Variants in GALNT13 observed in about 807,000 individuals in gnomAD.
GALNT13 encodes the protein UDP-GalNAc:polypeptide N-acetylgalactosaminyltransferase 13.
In GALNT13, 28 loss-of-function variants were observed where a neutral mutation model predicts 64.2. The ratio of observed to expected loss-of-function variants is 0.44; its 90% confidence interval spans 0.32 to 0.60. GALNT13 has a LOEUF of 0.60. Ranked by LOEUF, GALNT13 falls within the 20% of genes least tolerant of loss-of-function variation. GALNT13 has a pLI of 0.05. For missense variants in GALNT13, 577 were observed against 669.8 expected (o/e 0.86, Z 1.53); for synonymous variants, 214 against 224.6 (o/e 0.95, Z 0.42).
chr2:154,086,986 C>T (rs1206540526), intron 3 of GALNT13, among the ~76,000 whole-genome samples: 1 of 151,796 alleles, frequency 6.6e-6, no homozygotes, highest in Non-Finnish European at 1.5e-5. Context: ...GCTATTGTAT[C>T]GAGTGTTTGC....
the GALNT13 span, among the ~76,000 whole-genome samples, chr2:153,451,747 A>G: frequency 6.6e-6 from 1 of 152,228 alleles, no homozygotes; most frequent in South Asian, 2.1e-4. Context: ...AATGGGAAAT[A>G]GTGTCCCCAG....
chr2:153,089,271 T>A, the GALNT13 span, among the ~76,000 whole-genome samples: 13 of 152,298 alleles, frequency 8.5e-5, no homozygotes, highest in African/African-American at 3.1e-4. Context: ...GGCTGACCAT[T>A]ATTTTGTTTC....
At chr2:153,630,721 T>C in the GALNT13 span, among the ~76,000 whole-genome samples, 1 of 127,498 alleles carries the variant, frequency 7.8e-6, no homozygotes, top group South Asian at 2.6e-4. Context: ...ATTAAAGAAT[T>C]AAATGTTAGA....
At chr2:154,314,416 G>A (rs1277506456) in intron 9 of GALNT13, among the ~76,000 whole-genome samples, 1 of 152,148 alleles carries the variant, frequency 6.6e-6, no homozygotes, top group East Asian at 1.9e-4. Flanking sequence ...CTGGTGGATT[G>A]CATTTGTTTG....
the GALNT13 span, among the ~76,000 whole-genome samples, chr2:153,546,030 T>C: frequency 6.6e-6 from 1 of 152,168 alleles, no homozygotes; most frequent in Non-Finnish European, 1.5e-5. Flanking sequence ...TGGAAGATAC[T>C]CTCTTCCTCA....
At chr2:153,108,236 A>G in the GALNT13 span, among the ~76,000 whole-genome samples, 558 of 152,308 alleles carry the variant, frequency 3.7e-3, 2 homozygotes, top group African/African-American at 0.013. Context: ...CTATTGCAAT[A>G]AAATACATGG....
At chr2:153,810,853 C>A in the GALNT13 span, among the ~76,000 whole-genome samples, 1 of 152,236 alleles carries the variant, frequency 6.6e-6, no homozygotes, top group Non-Finnish European at 1.5e-5. Context: ...TTTAAGTTTT[C>A]AAATTGTAGA....
At chr2:154,446,540 A>G in intron 12 of GALNT13, 1 of 1,514,676 alleles carries the variant, frequency 6.6e-7, no homozygotes, top group Non-Finnish European at 8.9e-7. Flanking sequence ...TGATTTTGTC[A>G]TTATTCGTTA....
the GALNT13 span, among the ~76,000 whole-genome samples, chr2:153,444,323 CAT>C: frequency 6.6e-6 from 1 of 152,086 alleles, no homozygotes; most frequent in Admixed American, 6.6e-5. Flanking sequence ...CAGAACAAAA[CAT>C]ATAGTATGTA....
At chr2:154,011,658 C>T (rs944184686) in intron 3 of GALNT13, among the ~76,000 whole-genome samples, 5 of 152,076 alleles carry the variant, frequency 3.3e-5, no homozygotes, top group Non-Finnish European at 2.9e-5. Context: ...CTAATATTGG[C>T]AGTGGGGTGT....
chr2:153,965,860 G>C (rs958742141), intron 3 of GALNT13, among the ~76,000 whole-genome samples: 32 of 149,474 alleles, frequency 2.1e-4, no homozygotes, highest in African/African-American at 7.6e-4. Flanking sequence ...CTAACTTTAA[G>C]ACTTCTGTTG....
At chr2:153,946,520 A>T (rs1264787074) in intron 3 of GALNT13, among the ~76,000 whole-genome samples, 1 of 152,096 alleles carries the variant, frequency 6.6e-6, no homozygotes, top group African/African-American at 2.4e-5. Flanking sequence ...GAGGCTGGGG[A>T]TTCCAAGATG....
chr2:153,671,532 A>G, the GALNT13 span, among the ~76,000 whole-genome samples: 1 of 152,224 alleles, frequency 6.6e-6, no homozygotes, highest in Non-Finnish European at 1.5e-5. Flanking sequence ...GGCCTGCCCT[A>G]CAAGAGCTCC....
intron 8 of GALNT13, among the ~76,000 whole-genome samples, chr2:154,271,981 AC>A (rs1486070293): frequency 6.6e-6 from 1 of 151,876 alleles, no homozygotes; most frequent in Non-Finnish European, 1.5e-5. Flanking sequence ...AAATTATGGA[AC>A]CCTGAAAGAT....
chr2:153,794,503 GTGTT>G, the GALNT13 span, among the ~76,000 whole-genome samples: 6 of 151,340 alleles, frequency 4.0e-5, no homozygotes, highest in Admixed American at 6.6e-5. Flanking sequence ...AGAATACACT[GTGTT>G]TGGTCGATTA....
rs561497551 is a variant in GALNT13, at chr2:154,233,063, A to C, written c.312-8967A>C. On this transcript the variant is annotated intron_variant, in intron 4 of 12. Transcript: ENST00000392825. ...AAAAAAAAAAAAAAAAAAAAGAAAAAGAAAAGAAAAAAAGTACAAATGGTT... is the reference window on the plus strand; with the variant it reads ...AAAAAAAAAAAAAAAAAAAAGAAAACGAAAAGAAAAAAAGTACAAATGGTT... Among the ~76,000 whole-genome samples, 10 of 151,544 alleles carry C rather than the reference A, an allele frequency of 6.6e-5. No individual in the cohort carries two copies. The South Asian group carries it at 2.1e-3, about 32-fold the overall frequency.
chr2:153,376,052 G>A, the GALNT13 span, among the ~76,000 whole-genome samples: 1 of 152,018 alleles, frequency 6.6e-6, no homozygotes, highest in Admixed American at 6.6e-5. Context: ...CACAGGGAGA[G>A]CATTAATCTC....
chr2:154,159,007 G>T (rs1684582060), intron 4 of GALNT13, among the ~76,000 whole-genome samples: 1 of 151,968 alleles, frequency 6.6e-6, no homozygotes, highest in Non-Finnish European at 1.5e-5. Flanking sequence ...CTAATATAAT[G>T]AATGTTGTTT....
At chr2:153,514,520 T>G in the GALNT13 span, among the ~76,000 whole-genome samples, 3 of 152,152 alleles carry the variant, frequency 2.0e-5, no homozygotes, top group Admixed American at 1.3e-4. Context: ...GGGCCCTGAT[T>G]TCTGCTCCTG....
Sources: gnomAD v4.1 joint callset for allele counts (sites outside exome capture counted in the v4.1 genomes callset) on GRCh38, gnomAD v4.1.1 for gene constraint, MANE v1.5 for transcripts, NCBI Gene and HGNC (gene_info 2026-07-23, HGNC 2026-07-21) for gene names.